The following CDC5L variants were observed in gnomAD, a reference collection of about 807,000 sequenced individuals.
CDC5L encodes cell division cycle 5-like protein.
CDC5L carries 18 observed loss-of-function variants against 104.1 expected under a neutral mutation model. That is an observed-to-expected ratio of 0.17 (90% CI 0.12 to 0.26). The LOEUF is 0.26. CDC5L is among the 10% of genes least tolerant of loss of function. The pLI is 1.00. For synonymous variants in CDC5L, 331 were observed against 322.7 expected (o/e 1.03, Z -0.28); for missense variants, 673 against 956.9 (o/e 0.70, Z 3.91).
chr6:44,426,996 C>T (rs1260130172), intron 13 of CDC5L, among the ~76,000 whole-genome samples: 1 of 152,158 alleles, frequency 6.6e-6, no homozygotes, highest in African/African-American at 2.4e-5. Flanking sequence ...ACAGTTGTTA[C>T]AGTTGCCGTT....
intron 8 of CDC5L, among the ~76,000 whole-genome samples, chr6:44,409,296 C>G (rs976019635): frequency 6.6e-5 from 10 of 152,164 alleles, no homozygotes; most frequent in East Asian, 1.9e-4. Flanking sequence ...TGACCATTTT[C>G]AGTTTTAGGC....
rs1793490452 is a variant in CDC5L at position 44,447,331 on chromosome 6, G to C, written c.*620G>C. 1 of 151,790 alleles carries C rather than the reference G, an allele frequency of 6.6e-6. No homozygotes were observed. The highest frequency in any genetic ancestry group is 1.5e-5 in the Non-Finnish European group (1 of 67,948). 9.4% of individuals were successfully genotyped at this position (151,790 alleles called of 1,614,324 possible). A position where few individuals can be genotyped will look rare whatever the true frequency, so the allele number is the denominator to read the frequency against. Reference sequence around the variant, plus strand: ...TCTGCCAGCTACTTAAATAATTTATGGGTCAGGGCTTAAAAGATTTAACTT... The same window carrying C: ...TCTGCCAGCTACTTAAATAATTTATCGGTCAGGGCTTAAAAGATTTAACTT... On this transcript the variant is annotated 3_prime_UTR_variant, in exon 16 of 16. Coordinates refer to ENST00000371477, the MANE Select transcript of CDC5L (RefSeq NM_001253.4).
Position 44,408,450 on chromosome 6 carries a change from G to C in CDC5L, c.910G>C (p.Asp304His), listed in dbSNP as rs1196579392. 1.2e-6 allele frequency: 2 copies of C among 1,609,820 alleles called. No individual in the cohort carries two copies. The highest frequency in any genetic ancestry group is 2.7e-5 in the African/African-American group (2 of 74,782). Reference protein sequence around the residue: ...KLVLPAPQISDAELQEVVKVG... With the variant: ...KLVLPAPQISHAELQEVVKVG... ...GATAATTGTGTCCTTTTAGATTTCA[G>C]ATGCAGAACTCCAGGAAGTTGTAAA... The change falls in exon 8 of 16, where the codon GAT (aspartate) becomes CAT (histidine). Residue 304 changes from aspartate (D) to histidine (H), a missense_variant. Physicochemically the swap from Asp to His is moderately conservative, Grantham distance 81 (BLOSUM62 -1). This residue lies in a region of CDC5L where 578 missense variants were observed against 737.0 expected (regional missense o/e 0.78). Coordinates refer to ENST00000371477, the MANE Select transcript of CDC5L (RefSeq NM_001253.4).
At chr6:44,446,326 A>G (rs990347687) in intron 15 of CDC5L, among the ~76,000 whole-genome samples, 3 of 152,232 alleles carry the variant, frequency 2.0e-5, no homozygotes, top group African/African-American at 7.2e-5. Flanking sequence ...CTGTCCAGCT[A>G]AAGGGCAGTC....
At position 44,387,828 on chromosome 6, in the gene CDC5L, C is replaced by A; in HGVS notation, c.5C>A (p.Pro2His). The change falls in exon 1 of 16, where the codon CCT (proline) becomes CAT (histidine). Residue 2 changes from proline (P) to histidine (H), a missense_variant. Transcript: ENST00000371477. ...CCGAGACACCCTGCCGCCAAGATGC[C>A]TCGAATTATGATCAAGGGGGGCGTA... MPRIMIKGGVWR... is the reference protein window; with the variant it reads MHRIMIKGGVWR... 1 of 1,566,852 alleles carries A rather than the reference C, an allele frequency of 6.4e-7. No homozygotes were observed. Among genetic ancestry groups the A allele is most frequent in the East Asian group, 2.4e-5 (1 of 42,232 alleles).
chr6:44,423,309 G>A (rs1792274575), intron 10 of CDC5L, among the ~76,000 whole-genome samples: 1 of 152,094 alleles, frequency 6.6e-6, no homozygotes, highest in Non-Finnish European at 1.5e-5. Context: ...ACTCTGAATG[G>A]ATACATAAGA....
At chr6:44,410,500 A>G (rs1478076998) in intron 8 of CDC5L, among the ~76,000 whole-genome samples, 1 of 152,216 alleles carries the variant, frequency 6.6e-6, no homozygotes, top group African/African-American at 2.4e-5. Flanking sequence ...GAATTTTTCA[A>G]GATCTTGCAT....
At chr6:44,428,019 A>G (rs1224841477) in intron 13 of CDC5L, among the ~76,000 whole-genome samples, 1 of 152,132 alleles carries the variant, frequency 6.6e-6, no homozygotes, top group South Asian at 2.1e-4. Context: ...ATCTGTGTAT[A>G]TCTCTCTTTG....
intron 14 of CDC5L, 100 bp from the exon 15 acceptor site, chr6:44,445,555 C>A: frequency 2.7e-6 from 2 of 733,018 alleles, no homozygotes; most frequent in Non-Finnish European, 4.5e-6. Flanking sequence ...TGTATTTTTG[C>A]TTTGAGACAC....
chr6:44,429,986 A>G, intron 14 of CDC5L, 76 bp downstream of exon 14: 2 of 1,181,776 alleles, frequency 1.7e-6, no homozygotes, highest in Non-Finnish European at 2.4e-6. Flanking sequence ...CACTGGAGAC[A>G]ATGTCAGAAA....
At chr6:44,443,892 T>A (rs559575219) in intron 14 of CDC5L, among the ~76,000 whole-genome samples, 4 of 152,206 alleles carry the variant, frequency 2.6e-5, no homozygotes, top group Admixed American at 1.3e-4. Context: ...TCTTAATTGT[T>A]CTTGACTCTC....
chr6:44,426,209 G>GA lies in CDC5L; in HGVS notation c.1650+28dup, dbSNP rs765263935. The GA allele has an allele frequency of 7.8e-4, 1,177 of 1,508,530 alleles. 1 individual carries two copies. Among genetic ancestry groups the GA allele is most frequent in the Admixed American group, 1.4e-3 (75 of 55,134 alleles). The allele number at this position is 1,508,530 out of a possible 1,614,324, so 93.4% of individuals were successfully genotyped here. On this transcript the variant is annotated intron_variant, in intron 12 of 15. Transcript: ENST00000371477. ...GTAAGTGTTAGAATTTCTGGTTTAG[G>GA]AAGTTTTAAGTTTCTTTTTATATGA...
Position 44,388,367 on chromosome 6 carries a change from ATC to A in CDC5L, c.45+505_45+506del, listed in dbSNP as rs11571901. ...GTTCAGAGAGCCCGTTTATGCCCGC[ATC>A]TCTCTGGTTATCTGTTATCAGGGCA... On this transcript the variant is annotated intron_variant, in intron 1 of 15. Transcript: ENST00000371477. Among the ~76,000 whole-genome samples, 523 of 152,120 alleles carry A rather than the reference ATC, an allele frequency of 3.4e-3. 3 individuals are homozygous for A. Among genetic ancestry groups the A allele is most frequent in the African/African-American group, 0.012 (484 of 41,488 alleles).
intron 8 of CDC5L, among the ~76,000 whole-genome samples, chr6:44,410,714 A>G (rs1561972105): frequency 6.6e-6 from 1 of 151,970 alleles, no homozygotes; most frequent in Non-Finnish European, 1.5e-5. Context: ...ATTATCTTAC[A>G]TGATTTATGA....
chr6:44,407,487 C>T (rs762163471), intron 7 of CDC5L, among the ~76,000 whole-genome samples: 7 of 152,128 alleles, frequency 4.6e-5, no homozygotes, highest in Non-Finnish European at 8.8e-5. Context: ...CCACCATGCC[C>T]CGCTAATTTT....
intron 8 of CDC5L, among the ~76,000 whole-genome samples, chr6:44,414,810 T>C (rs1471132970): frequency 6.6e-6 from 1 of 152,230 alleles, no homozygotes; most frequent in Non-Finnish European, 1.5e-5. Flanking sequence ...GCTATCTTTT[T>C]CTTTTTTGCT....
rs966661774 is a variant in CDC5L at position 44,392,769 on chromosome 6, C to T, written c.252C>T (p.Thr84=). 6.2e-7 allele frequency: 1 copy of T among 1,614,064 alleles called. No individual in the cohort carries two copies. Among genetic ancestry groups the T allele is most frequent in the African/African-American group, 1.3e-5 (1 of 75,030 alleles). Residue 84 remains threonine (T), a synonymous_variant, in exon 3 of 16, where the codon ACC becomes ACT. Transcript: ENST00000371477. The part of the protein sequence containing the change: ...LAKLMPTQWR[T]IAPIIGRTAA... ...AGTTGATGCCAACTCAGTGGAGGAC[C>T]ATTGCTCCAATCATTGGAAGAACAG... is the stretch of plus-strand genomic sequence containing the variant.
At chr6:44,434,960 G>T in intron 14 of CDC5L, among the ~76,000 whole-genome samples, 1 of 152,054 alleles carries the variant, frequency 6.6e-6, no homozygotes, top group South Asian at 2.1e-4. Context: ...ATTTCTAGGC[G>T]TCTTTCTATA....
chr6:44,407,514 A>G (rs1171719837), intron 7 of CDC5L, among the ~76,000 whole-genome samples: 8 of 152,134 alleles, frequency 5.3e-5, no homozygotes, highest in Non-Finnish European at 1.0e-4. Flanking sequence ...TTTACTAGAG[A>G]CAGGGTTTCA....
Sources: gnomAD v4.1 joint callset for allele counts (sites outside exome capture counted in the v4.1 genomes callset) on GRCh38, gnomAD v4.1.1 for gene constraint, gnomAD v4.1.1 regional missense constraint, MANE v1.5 for transcripts, NCBI Gene and HGNC (gene_info 2026-07-23, HGNC 2026-07-21) for gene names.